Variants in PABIR3 observed in about 807,000 individuals in gnomAD.
The protein encoded by PABIR3 is PABIR family member 1.
Under a neutral mutation model 23.1 loss-of-function variants are expected in PABIR3, and 20 were observed. The ratio of observed to expected loss-of-function variants is 0.86; its 90% confidence interval spans 0.61 to 1.26. The LOEUF (loss-of-function observed/expected upper bound fraction) is 1.26. PABIR3 is among the 50% of genes most tolerant of loss of function. The probability of loss-of-function intolerance (pLI) is 0.00; values close to 1 mark genes in which losing one functional copy is unlikely to be tolerated. For missense variants in PABIR3, 189 were observed against 195.4 expected (o/e 0.97, Z 0.20); for synonymous variants, 69 against 68.5 (o/e 1.01, Z -0.04).
chrX:134,804,204 T>C, upstream of PABIR3: 1 of 1,151,595 alleles, frequency 8.7e-7, no homozygotes, highest in Non-Finnish European at 1.2e-6. Flanking sequence ...GATCATGGCA[T>C]ATTTCCCTGG....
intron 4 of PABIR3, chrX:134,838,871 TTTTTGGTGGAGAC>T (rs1218398341): frequency 9.1e-6 from 1 of 110,087 alleles, no homozygotes; most frequent in East Asian, 3.0e-4. Context: ...TTTTCGTATT[TTTTTGGTGGAGAC>T]GGGGTTTCGC....
At chrX:134,817,940 G>A (rs2081071936) in intron 3 of PABIR3, among the ~76,000 whole-genome samples, 1 of 111,410 alleles carries the variant, frequency 9.0e-6, no homozygotes, top group Non-Finnish European at 1.9e-5. Context: ...AATCACCCTG[G>A]CAAAGAGCTG....
chrX:134,817,299 A>G (rs753772716), intron 3 of PABIR3, among the ~76,000 whole-genome samples: 2 of 111,300 alleles, frequency 1.8e-5, no homozygotes, highest in Admixed American at 1.9e-4. Flanking sequence ...TAGTGGGAGA[A>G]ATTATAACTG....
chrX:134,835,802 C>T (rs1342921236), intron 4 of PABIR3: 2 of 111,174 alleles, frequency 1.8e-5, no homozygotes, highest in African/African-American at 6.5e-5. Flanking sequence ...TACAGGTGCA[C>T]ACCACTATGC....
At chrX:134,845,785 C>T (rs1410314312) in intron 6 of PABIR3, among the ~76,000 whole-genome samples, 1 of 111,859 alleles carries the variant, frequency 8.9e-6, no homozygotes, top group African/African-American at 3.2e-5. Context: ...GACACAAAAC[C>T]ATAGCTATTG....
chrX:134,855,519 G>T (rs1360539013), downstream of PABIR3, among the ~76,000 whole-genome samples: 4 of 111,901 alleles, frequency 3.6e-5, no homozygotes, highest in Non-Finnish European at 7.5e-5. Context: ...ATACTCTTAT[G>T]AAATGAAGCT....
chrX:134,816,401 A>G (rs1353986950), intron 3 of PABIR3, among the ~76,000 whole-genome samples: 6 of 112,258 alleles, frequency 5.3e-5, no homozygotes, highest in African/African-American at 1.3e-4. Flanking sequence ...GCTCACTGCA[A>G]TCTCTGCCTC....
At chrX:134,801,488 G>T (rs1031662188) in intron 1 of PABIR3, among the ~76,000 whole-genome samples, 3 of 112,655 alleles carry the variant, frequency 2.7e-5, no homozygotes, top group Non-Finnish European at 5.6e-5. Context: ...ATCATCAGGG[G>T]TTGGGATTAT....
At chrX:134,801,457 C>T (rs1185634697) in intron 1 of PABIR3, among the ~76,000 whole-genome samples, 1 of 112,542 alleles carries the variant, frequency 8.9e-6, no homozygotes, top group Non-Finnish European at 1.9e-5. Flanking sequence ...AGAAAGCCCC[C>T]ATTCAGCTTA....
chrX:134,829,953 C>G (rs1404190273), intron 4 of PABIR3, among the ~76,000 whole-genome samples: 4 of 112,345 alleles, frequency 3.6e-5, no homozygotes, highest in Non-Finnish European at 7.5e-5. Context: ...TACAAGCAGA[C>G]ATTTTTTCCC....
At chrX:134,856,990 C>T (rs182919580), downstream of PABIR3, among the ~76,000 whole-genome samples, 287 of 107,836 alleles carry the variant, frequency 2.7e-3, 2 homozygotes, top group Admixed American at 3.7e-3. Flanking sequence ...CTAGCCTGGG[C>T]GACAGAGTGA....
intron 2 of PABIR3, chrX:134,808,137 C>G (rs1417460418): frequency 3.4e-6 from 1 of 296,047 alleles, no homozygotes; most frequent in Non-Finnish European, 5.9e-6. Context: ...CACCTCCAGC[C>G]GCTTGAATGG....
At chrX:134,797,669 A>G (rs1487836481) in intron 1 of PABIR3, among the ~76,000 whole-genome samples, 1 of 111,428 alleles carries the variant, frequency 9.0e-6, no homozygotes. Context: ...TGAGAAACTC[A>G]GCTCCCTTTT....
At chrX:134,850,770 G>A (rs954653973) in intron 9 of PABIR3, among the ~76,000 whole-genome samples, 9 of 111,605 alleles carry the variant, frequency 8.1e-5, no homozygotes, top group African/African-American at 1.6e-4. Context: ...CAGTGTCTTC[G>A]GAGATGTGAC....
chrX:134,811,694 A>G (rs921894705), intron 2 of PABIR3, among the ~76,000 whole-genome samples: 3 of 111,707 alleles, frequency 2.7e-5, no homozygotes, highest in African/African-American at 9.8e-5. Context: ...TGGCCTCCCA[A>G]AGTGCTGGGA....
chrX:134,849,148 C>G lies in PABIR3; in HGVS notation c.528-19C>G. 1 of 898,034 alleles carries G rather than the reference C, an allele frequency of 1.1e-6. No individual in the cohort carries two copies. The highest frequency in any genetic ancestry group is 1.4e-6 in the Non-Finnish European group (1 of 697,451). The allele number at this position is 898,034 out of a possible 1,213,427, so 74.0% of individuals were successfully genotyped here. A position where few individuals can be genotyped will look rare whatever the true frequency, so the allele number is the denominator to read the frequency against. On this transcript the variant is annotated intron_variant, in intron 8 of 10. Transcript: ENST00000645433. ...GTTAAAAAAAATTTCTTATAATGAT[C>G]ATGATGATTTTATTTTAGAAGAAGT... is the stretch of plus-strand genomic sequence containing the variant.
chrX:134,825,635 C>T (rs1467459424), intron 3 of PABIR3, among the ~76,000 whole-genome samples: 3 of 110,369 alleles, frequency 2.7e-5, no homozygotes, highest in Non-Finnish European at 5.7e-5. Flanking sequence ...CTGAGTTATG[C>T]GCCAGTCAAG....
intron 3 of PABIR3, chrX:134,821,498 G>A (rs968995678): frequency 8.7e-7 from 1 of 1,151,798 alleles, no homozygotes; most frequent in Non-Finnish European, 1.1e-6. Flanking sequence ...CAAGCCGGAT[G>A]TCACTGCGTC....
chrX:134,861,571 G>A, the PABIR3 span, among the ~76,000 whole-genome samples: 1 of 106,456 alleles, frequency 9.4e-6, no homozygotes. Context: ...CTACTAGGGA[G>A]GCTGAGGCAG....
Sources: allele counts gnomAD v4.1 joint callset (sites outside exome capture counted in the v4.1 genomes callset), GRCh38; gene constraint gnomAD v4.1.1; transcripts MANE v1.5; gene names NCBI Gene and HGNC (gene_info 2026-07-23, HGNC 2026-07-21).